Variants in DNAH6 observed in about 807,000 individuals in gnomAD.
DNAH6 encodes the protein axonemal beta dynein heavy chain 6.
DNAH6 carries 340 observed loss-of-function variants against 491.4 expected under a neutral mutation model. That is an observed-to-expected ratio of 0.69 (90% confidence interval 0.63 to 0.76). The LOEUF (loss-of-function observed/expected upper bound fraction) is 0.76. Among genes scored for constraint, DNAH6 ranks in the 30% least tolerant of loss-of-function variants. DNAH6 has a pLI of 0.00. For synonymous variants in DNAH6, 1,603 were observed against 1,686.1 expected, an observed-to-expected ratio of 0.95 and a Z score of 1.21; for missense variants, 4,443 against 4,972.2, an observed-to-expected ratio of 0.89 and a Z score of 3.20.
At chr2:84,665,166 C>A (rs1691965396) in intron 37 of DNAH6, among the ~76,000 whole-genome samples, 1 of 151,348 alleles carries the variant, frequency 6.6e-6, no homozygotes, top group East Asian at 1.9e-4. Context: ...AAAATTGACA[C>A]CCTAGCATCA....
intron 37 of DNAH6, among the ~76,000 whole-genome samples, chr2:84,668,934 T>C (rs1692452361): frequency 6.6e-6 from 1 of 151,770 alleles, no homozygotes; most frequent in Non-Finnish European, 1.5e-5. Flanking sequence ...CTCAGGGGGA[T>C]TACCAGGTCA....
chr2:84,504,168 T>C, the DNAH6 span, among the ~76,000 whole-genome samples: 1 of 152,224 alleles, frequency 6.6e-6, no homozygotes, highest in African/African-American at 2.4e-5. Context: ...CTTCCTTTGC[T>C]TGATCAATTC....
intron 12 of DNAH6, among the ~76,000 whole-genome samples, chr2:84,574,473 A>G (rs1682228512): frequency 6.6e-6 from 1 of 152,210 alleles, no homozygotes; most frequent in African/African-American, 2.4e-5. Context: ...AGCAGCTTCC[A>G]GATGATTTGG....
intron 37 of DNAH6, among the ~76,000 whole-genome samples, chr2:84,665,988 C>T (rs914158736): frequency 1.3e-5 from 2 of 152,076 alleles, no homozygotes; most frequent in Non-Finnish European, 2.9e-5. Flanking sequence ...TAAACAGAAC[C>T]AGTGACAAAA....
chr2:84,574,502 A>G (rs1682232538), intron 12 of DNAH6, among the ~76,000 whole-genome samples: 1 of 152,212 alleles, frequency 6.6e-6, no homozygotes. Context: ...CAAGTCCAAG[A>G]TCAGTCATTG....
chr2:84,478,788 G>C, the DNAH6 span, among the ~76,000 whole-genome samples: 1 of 152,166 alleles, frequency 6.6e-6, no homozygotes, highest in Admixed American at 6.6e-5. Context: ...ATTGGGCCAA[G>C]ATGCTCAGAC....
At chr2:84,767,499 C>G (rs1675195708) in intron 64 of DNAH6, among the ~76,000 whole-genome samples, 1 of 151,578 alleles carries the variant, frequency 6.6e-6, no homozygotes, top group Admixed American at 6.6e-5. Context: ...GCACTCCAGC[C>G]TGAGTAACAA....
intron 40 of DNAH6, 110 bp downstream of exon 40, chr2:84,672,594 C>A (rs1692840260): frequency 1.0e-6 from 1 of 984,896 alleles, no homozygotes. Flanking sequence ...GGGTGGCTTA[C>A]ACAACAGAAA....
In DNAH6 at chr2:84,565,604, A is replaced by G. The variant is rs80252495; in HGVS notation, c.1803+7669A>G. ...CTTTTTATTTGTTAATCTAGAGTCA[A>G]TTGTTGGAGTGCTGGGTTTAAGTCC... is the stretch of plus-strand genomic sequence containing the variant. On this transcript the variant is annotated intron_variant, in intron 11 of 76. Coordinates refer to ENST00000389394, the MANE Select transcript of DNAH6 (RefSeq NM_001370.2). Among the ~76,000 whole-genome samples the G allele has an allele frequency of 4.0e-5, 6 of 151,798 alleles. No homozygotes were observed. The East Asian group carries it at 5.8e-4, about 15-fold the overall frequency.
chr2:84,583,333 T>A (rs997986512), intron 14 of DNAH6, among the ~76,000 whole-genome samples: 1 of 152,176 alleles, frequency 6.6e-6, no homozygotes, highest in East Asian at 1.9e-4. Flanking sequence ...CCACAGCACA[T>A]GTTTTCTTAG....
intron 11 of DNAH6, among the ~76,000 whole-genome samples, chr2:84,560,545 G>C (rs1170257908): frequency 1.3e-5 from 2 of 151,130 alleles, no homozygotes; most frequent in East Asian, 3.9e-4. Context: ...TGCCATGCTG[G>C]TGTGCTGCAC....
In DNAH6 at chr2:84,703,518, G is replaced by T. The variant is rs1340029412; in HGVS notation, c.8185G>T (p.Ala2729Ser). 1 of 1,551,316 alleles carries T rather than the reference G, an allele frequency of 6.4e-7. No individual in the cohort carries two copies. The highest frequency in any genetic ancestry group is 8.7e-7 in the Non-Finnish European group (1 of 1,146,814). ...VLLAKSEDVE[A>S]LMEKLAVDQE... is the part of the protein sequence containing the mutation. ...TTTAGCAAAATCAGAAGATGTTGAA[G>T]CCCTGATGGAAAAATTGGCAGTGGA... The change falls in exon 50 of 77, where the codon GCC becomes TCC. Residue 2729 changes from alanine to serine, a missense_variant. Transcript: ENST00000389394.
chr2:84,707,617 G>T lies in DNAH6; in HGVS notation c.8949G>T (p.Gln2983His), dbSNP rs1215940923. ...DEQVRWEESI[Q>H]KFEEEISNIT... The stretch of plus-strand genomic sequence containing the variant: ...AGGTTCGATGGGAAGAAAGCATACA[G>T]AAGTTTGAGGAAGAAATATCAAATA... Residue 2983 changes from glutamine (Q) to histidine (H), a missense_variant, in exon 54 of 77, where the codon CAG becomes CAT. Around this residue, in one of 3 missense-constraint regions of DNAH6, gnomAD observed 1,463 missense variants for 1,656.6 expected, o/e 0.88. Transcript: ENST00000389394. 1 of 1,552,300 alleles carries T rather than the reference G, an allele frequency of 6.4e-7. No individual in the cohort carries two copies. Among genetic ancestry groups the T allele is most frequent in the Non-Finnish European group, 8.7e-7 (1 of 1,147,128 alleles).
the DNAH6 span, among the ~76,000 whole-genome samples, chr2:84,493,143 T>A: frequency 1.3e-5 from 2 of 152,124 alleles, no homozygotes; most frequent in Non-Finnish European, 2.9e-5. Context: ...GAAACTTTAT[T>A]TACAAAAACA....
intron 70 of DNAH6, among the ~76,000 whole-genome samples, chr2:84,804,405 A>C (rs1679224231): frequency 6.6e-6 from 1 of 152,112 alleles, no homozygotes; most frequent in Non-Finnish European, 1.5e-5. Flanking sequence ...AAAATGAATT[A>C]ATATTACATA....
intron 10 of DNAH6, among the ~76,000 whole-genome samples, chr2:84,557,075 G>A (rs1982593): frequency 0.96 from 146,874 of 152,292 alleles, 70,872 homozygotes; most frequent in East Asian, 1. Flanking sequence ...CTGGAATATA[G>A]ATTACTACTC....
At chr2:84,681,897 T>C (rs938578512) in intron 42 of DNAH6, among the ~76,000 whole-genome samples, 1 of 152,198 alleles carries the variant, frequency 6.6e-6, no homozygotes, top group African/African-American at 2.4e-5. Flanking sequence ...TCCTGTCTAC[T>C]CAAGGATTTT....
intron 37 of DNAH6, among the ~76,000 whole-genome samples, chr2:84,665,117 A>G (rs1283486084): frequency 6.6e-6 from 1 of 152,220 alleles, no homozygotes; most frequent in East Asian, 1.9e-4. Context: ...AGGGAAATTT[A>G]TAGCACTAAA....
the DNAH6 span, among the ~76,000 whole-genome samples, chr2:84,506,311 T>C: frequency 3.8e-4 from 58 of 152,350 alleles, no homozygotes; most frequent in African/African-American, 1.4e-3. Flanking sequence ...ATTTCTCTGA[T>C]GGCCAGTGAT....
Sources: allele counts gnomAD v4.1 joint callset (sites outside exome capture counted in the v4.1 genomes callset), GRCh38; gene constraint gnomAD v4.1.1; regional missense constraint gnomAD v4.1.1; transcripts MANE v1.5; gene names NCBI Gene and HGNC (gene_info 2026-07-23, HGNC 2026-07-21).